Variants in DOCK10 observed in about 807,000 individuals in gnomAD.
The protein encoded by DOCK10 is dedicator of cytokinesis 10, also known as dedicator of cytokinesis protein 10.
A neutral mutation model predicts 280.1 loss-of-function variants in DOCK10; 145 were observed. The ratio of observed to expected loss-of-function variants is 0.52; its 90% confidence interval spans 0.45 to 0.59. DOCK10 has a LOEUF of 0.59. Ranked by LOEUF, DOCK10 falls within the 20% of genes least tolerant of loss-of-function variation. DOCK10 has a pLI of 0.00. For missense variants in DOCK10, 2,368 were observed against 2,651.7 expected (o/e 0.89, Z 2.35); for synonymous variants, 915 against 942.2 (o/e 0.97, Z 0.53).
In DOCK10 at chr2:224,795,098, T is replaced by C. The variant is rs1182678760; in HGVS notation, c.4939-4A>G. On this transcript the variant is annotated splice_region_variant and splice_polypyrimidine_tract_variant and intron_variant, in intron 44 of 55. Transcript: ENST00000258390. ...CCTCTGCTGGGAAATTGCTGTTCTT[T>C]GGAAAAGAGAGAGCCTGGGTCATTA... The C allele has an allele frequency of 5.6e-6, 9 of 1,613,354 alleles. No individual in the cohort carries two copies. The highest frequency in any genetic ancestry group is 4.2e-6 in the Non-Finnish European group (5 of 1,179,392).
At position 224,805,497 on chromosome 2, in the gene DOCK10, G is replaced by T; in HGVS notation, c.3847C>A (p.His1283Asn). The T allele has an allele frequency of 1.2e-6, 2 of 1,612,550 alleles. No individual in the cohort carries two copies. The highest frequency in any genetic ancestry group is 1.1e-5 in the South Asian group (1 of 91,032). Residue 1283 changes from histidine (H) to asparagine (N), a missense_variant, in exon 35 of 56, where the codon CAT (histidine) becomes AAT (asparagine). This residue lies in a region of DOCK10 where 1,159 missense variants were observed against 1,400.8 expected (regional missense o/e 0.83). Coordinates refer to ENST00000258390, the MANE Select transcript of DOCK10 (RefSeq NM_014689.3). This position sits in a 1 kb window ranked among gnomAD's most constrained non-coding sequence, Gnocchi z 4.3. ...FSSIAISTVN[H>N]ADSRASLASL... ...GCTAAAGATGCTCTGGAGTCAGCAT[G>T]GTTTACTGTAGAAATAGCTATTGAT...
chr2:224,954,041 A>C (rs1403261411), intron 1 of DOCK10, among the ~76,000 whole-genome samples: 1 of 152,166 alleles, frequency 6.6e-6, no homozygotes, highest in Non-Finnish European at 1.5e-5. Context: ...GATTGCATTA[A>C]AATAACATAG....
chr2:224,932,292 G>A (rs1056724854), intron 1 of DOCK10, among the ~76,000 whole-genome samples: 3 of 152,072 alleles, frequency 2.0e-5, no homozygotes, highest in African/African-American at 4.8e-5. Flanking sequence ...AAAATAGCCC[G>A]ATAATCACAT....
At chr2:224,879,649 T>C (rs1327269459) in intron 7 of DOCK10, among the ~76,000 whole-genome samples, 3 of 151,950 alleles carry the variant, frequency 2.0e-5, no homozygotes, top group African/African-American at 7.3e-5. Context: ...TCCCAGCTAT[T>C]TGGGAGGCTG....
chr2:224,994,469 A>T (rs555752966), intron 1 of DOCK10, among the ~76,000 whole-genome samples: 31 of 152,374 alleles, frequency 2.0e-4, no homozygotes, highest in Non-Finnish European at 3.5e-4. Context: ...AGTGGGAGAC[A>T]CTGTCCACCA....
chr2:224,792,573 G>A (rs910489446), intron 47 of DOCK10, among the ~76,000 whole-genome samples: 3 of 152,122 alleles, frequency 2.0e-5, no homozygotes, highest in Non-Finnish European at 4.4e-5. Context: ...GTGAGCCACC[G>A]CGCCTGGCCC....
At position 224,798,923 on chromosome 2, in the gene DOCK10, C is replaced by G. The variant is rs541398920; in HGVS notation, c.4507-954G>C. ...TGCTGGAATTACAGGCATGAGCCAC[C>G]ACACCTGCCCCGGCTCAATCCGTAA... On this transcript the variant is annotated intron_variant, in intron 41 of 55. Transcript: ENST00000258390. Among the ~76,000 whole-genome samples, 20 of 152,264 alleles carry G rather than the reference C, an allele frequency of 1.3e-4. No homozygotes were observed. In the East Asian group the frequency reaches 3.9e-3, roughly 29 times the overall value.
chr2:224,901,703 A>C (rs1205975251), intron 3 of DOCK10, among the ~76,000 whole-genome samples: 3 of 152,202 alleles, frequency 2.0e-5, no homozygotes, highest in Admixed American at 6.5e-5. Context: ...AGAAATCTAC[A>C]TTGTAAAAAG....
chr2:224,878,723 C>T (rs993125254), intron 7 of DOCK10, among the ~76,000 whole-genome samples: 3 of 152,256 alleles, frequency 2.0e-5, no homozygotes, highest in Admixed American at 1.3e-4. Flanking sequence ...ACTTTCTAGA[C>T]TTCCAAGGAT....
At chr2:224,771,871 A>G (rs1430843503) in intron 53 of DOCK10, among the ~76,000 whole-genome samples, 2 of 151,054 alleles carry the variant, frequency 1.3e-5, no homozygotes, top group African/African-American at 4.9e-5. Context: ...AGGGAACGGG[A>G]GAGTGTGGTC....
At chr2:224,889,969 C>T (rs1302656858) in intron 4 of DOCK10, among the ~76,000 whole-genome samples, 2 of 152,086 alleles carry the variant, frequency 1.3e-5, no homozygotes, top group Non-Finnish European at 2.9e-5. Flanking sequence ...GATGAGTGTT[C>T]CAGGATTCTT....
At chr2:224,785,218 C>T (rs1041874758) in intron 50 of DOCK10, among the ~76,000 whole-genome samples, 2 of 152,062 alleles carry the variant, frequency 1.3e-5, no homozygotes, top group Non-Finnish European at 1.5e-5. Flanking sequence ...TCACACTTCT[C>T]TCTCTCCCAA....
chr2:224,773,256 C>G lies in DOCK10; in HGVS notation c.6105G>C (p.Glu2035Asp). ...TAAGCTCAGAAACCTTCTTGGACAT[C>G]TCGTCAATTGCCACTTCAATTGGAT... ...ELNPIEVAID[E>D]MSKKVSELNQ... Residue 2035 changes from glutamate (E) to aspartate (D), a missense_variant, in exon 53 of 56, where the codon GAG becomes GAC. By Grantham distance (45) the Glu-to-Asp change is conservative. Around this residue, in one of 2 missense-constraint regions of DOCK10, gnomAD observed 1,159 missense variants for 1,400.8 expected, o/e 0.83. Transcript: ENST00000258390. 1 of 1,613,986 alleles carries G rather than the reference C, an allele frequency of 6.2e-7. No individual in the cohort carries two copies. Among genetic ancestry groups the G allele is most frequent in the East Asian group, 2.2e-5 (1 of 44,890 alleles).
At chr2:224,948,121 T>G (rs1286211140) in intron 1 of DOCK10, among the ~76,000 whole-genome samples, 1 of 152,194 alleles carries the variant, frequency 6.6e-6, no homozygotes, top group African/African-American at 2.4e-5. Flanking sequence ...GGCTGTTCTC[T>G]TTTCCCCAGT....
intron 1 of DOCK10, among the ~76,000 whole-genome samples, chr2:224,997,292 C>T (rs998886750): frequency 6.8e-6 from 1 of 147,460 alleles, no homozygotes; most frequent in Non-Finnish European, 1.5e-5. Context: ...AGTGCAATGG[C>T]ATAATCTTTG....
intron 7 of DOCK10, among the ~76,000 whole-genome samples, chr2:224,880,414 C>T (rs1418714671): frequency 6.6e-6 from 1 of 151,922 alleles, no homozygotes; most frequent in Admixed American, 6.6e-5. Flanking sequence ...GCAAAAAGGG[C>T]AAAAATTGAA....
At position 225,035,572 on chromosome 2, in the gene DOCK10, A is replaced by ATATTATATATATATATATATATATAT. The variant is rs71062971; in HGVS notation, c.123+6679_123+6680insATATATATATATATATATATATAATA. Among the ~76,000 whole-genome samples the ATATTATATATATATATATATATATAT allele has an allele frequency of 2.2e-3, 151 of 69,944 alleles. 7 individuals carry two copies. Among genetic ancestry groups the ATATTATATATATATATATATATATAT allele is most frequent in the Middle Eastern group, 9.4e-3 (1 of 106 alleles). The allele number at this position is 69,944 out of a possible 152,430, so 45.9% of individuals were successfully genotyped here. Reference sequence around the variant, plus strand: ...TATATATATATATATATATATATATATATATATATATATATAACACTGAAT... The same window carrying ATATTATATATATATATATATATATAT: ...TATATATATATATATATATATATATATATTATATATATATATATATATATATTATATATATATATATAACACTGAAT... On this transcript the variant is annotated intron_variant, in intron 1 of 55. Transcript: ENST00000258390.
chr2:224,854,332 A>C (rs1454386805), intron 16 of DOCK10, among the ~76,000 whole-genome samples: 1 of 152,180 alleles, frequency 6.6e-6, no homozygotes, highest in African/African-American at 2.4e-5. Flanking sequence ...TTTATAAATA[A>C]AGTTTAAAAA....
intron 1 of DOCK10, among the ~76,000 whole-genome samples, chr2:224,936,767 C>T (rs953945): frequency 0.32 from 48,468 of 151,932 alleles, 7,947 homozygotes; most frequent in Middle Eastern, 0.36. Flanking sequence ...TTTGATTTTT[C>T]TGCATTCTCC....
Sources: gnomAD v4.1 joint callset for allele counts (sites outside exome capture counted in the v4.1 genomes callset) on GRCh38, gnomAD v4.1.1 for gene constraint, gnomAD v4.1.1 regional missense constraint, Gnocchi (gnomAD v3.1) non-coding constraint, MANE v1.5 for transcripts, NCBI Gene and HGNC (gene_info 2026-07-23, HGNC 2026-07-21) for gene names.